ADAM23: variants seen among roughly 807,000 people sequenced by gnomAD.
The protein encoded by ADAM23 is disintegrin and metalloproteinase domain-containing protein 23.
ADAM23 carries 33 observed loss-of-function variants against 120.1 expected under a neutral mutation model. The ratio of observed to expected loss-of-function variants is 0.27; its 90% CI spans 0.21 to 0.37. ADAM23 has a LOEUF of 0.37. Among genes scored for constraint, ADAM23 ranks in the 10% least tolerant of loss-of-function variants. The pLI is 1.00. For missense variants in ADAM23, 862 were observed against 1,058.2 expected, an observed-to-expected ratio of 0.81 and a Z score of 2.57; for synonymous variants, 367 against 375.2, an observed-to-expected ratio of 0.98 and a Z score of 0.25.
chr2:206,487,398 A>T (rs1696037096), intron 3 of ADAM23, among the ~76,000 whole-genome samples: 1 of 152,130 alleles, frequency 6.6e-6, no homozygotes, highest in African/African-American at 2.4e-5. Context: ...AGAAAAAAAA[A>T]TGGAGACAAT....
intron 3 of ADAM23, among the ~76,000 whole-genome samples, chr2:206,524,668 G>A (rs976787019): frequency 6.6e-6 from 1 of 152,196 alleles, no homozygotes; most frequent in African/African-American, 2.4e-5. Context: ...AGTGAAAGGG[G>A]TTTCCCCTTA....
intron 23 of ADAM23, among the ~76,000 whole-genome samples, chr2:206,595,160 A>G (rs1698500802): frequency 6.6e-6 from 1 of 152,156 alleles, no homozygotes; most frequent in Non-Finnish European, 1.5e-5. Flanking sequence ...CAGCCTGGCG[A>G]CAGAGCGAGA....
At chr2:206,605,279 A>G (rs944321964) in intron 24 of ADAM23, among the ~76,000 whole-genome samples, 6 of 152,220 alleles carry the variant, frequency 3.9e-5, no homozygotes, top group Non-Finnish European at 7.3e-5. Flanking sequence ...TACGCTTTTC[A>G]ATAACTTCCC....
At chr2:206,585,197 G>C (rs1052714642) in intron 18 of ADAM23, among the ~76,000 whole-genome samples, 4 of 152,168 alleles carry the variant, frequency 2.6e-5, no homozygotes, top group African/African-American at 7.2e-5. Context: ...ATGCTGCCCT[G>C]TCCGGAGCTG....
At chr2:206,552,649 TTAG>T (rs1486316715) in intron 9 of ADAM23, among the ~76,000 whole-genome samples, 2 of 152,000 alleles carry the variant, frequency 1.3e-5, no homozygotes, top group Non-Finnish European at 2.9e-5. Flanking sequence ...ATTATTGTTG[TTAG>T]TATTATTATT....
intron 24 of ADAM23, among the ~76,000 whole-genome samples, chr2:206,601,867 A>G (rs1186221595): frequency 2.0e-5 from 3 of 152,118 alleles, no homozygotes; most frequent in Non-Finnish European, 2.9e-5. Context: ...GGTAGTAATC[A>G]AGCTTATTAA....
chr2:206,606,846 G>C (rs1303859376), intron 24 of ADAM23: 1 of 151,992 alleles, frequency 6.6e-6, no homozygotes, highest in Non-Finnish European at 1.5e-5. Flanking sequence ...TCTGTCTACT[G>C]TGGTGGTGGT....
intron 3 of ADAM23, among the ~76,000 whole-genome samples, chr2:206,501,507 T>C (rs550140712): frequency 1.3e-5 from 2 of 152,262 alleles, no homozygotes; most frequent in East Asian, 3.9e-4. Flanking sequence ...ACAGCCAAAG[T>C]TCTGTTCGTA....
intron 21 of ADAM23, among the ~76,000 whole-genome samples, chr2:206,590,298 A>G (rs1048627737): frequency 5.3e-5 from 8 of 152,094 alleles, no homozygotes; most frequent in Non-Finnish European, 8.8e-5. Flanking sequence ...GGGTTTCACC[A>G]TGTTGGCCAG....
intron 9 of ADAM23, among the ~76,000 whole-genome samples, chr2:206,553,271 A>C (rs1426011678): frequency 6.6e-6 from 1 of 151,788 alleles, no homozygotes; most frequent in Non-Finnish European, 1.5e-5. Flanking sequence ...ATACATATAC[A>C]AAAAAAATTA....
intron 1 of ADAM23, 102 bp from the exon 2 acceptor site, chr2:206,445,205 A>T: frequency 3.6e-6 from 3 of 829,608 alleles, no homozygotes; most frequent in African/African-American, 1.7e-5. Context: ...GTTTGAAATT[A>T]AAGGAAAAAT....
intron 25 of ADAM23, 109 bp from the exon 26 acceptor site, chr2:206,617,470 T>G: frequency 2.4e-6 from 3 of 1,260,922 alleles, no homozygotes; most frequent in Non-Finnish European, 3.2e-6. Context: ...ATTACTTTGC[T>G]CTGGAACTAG....
chr2:206,547,690 C>T (rs1386217783), intron 7 of ADAM23, among the ~76,000 whole-genome samples, 189 bp downstream of exon 7: 1 of 152,126 alleles, frequency 6.6e-6, no homozygotes, highest in Non-Finnish European at 1.5e-5. Flanking sequence ...CCAGTGCAGA[C>T]TAAAACATGA....
intron 10 of ADAM23, among the ~76,000 whole-genome samples, chr2:206,558,075 T>G (rs1301971024): frequency 6.6e-6 from 1 of 152,190 alleles, no homozygotes; most frequent in Non-Finnish European, 1.5e-5. Context: ...GACTTCTAAC[T>G]GTACAAATCT....
chr2:206,489,690 C>T (rs138913530), intron 3 of ADAM23, among the ~76,000 whole-genome samples: 10 of 152,208 alleles, frequency 6.6e-5, no homozygotes, highest in Admixed American at 1.3e-4. Context: ...GAGTAACATG[C>T]GGGCTGGCGA....
intron 14 of ADAM23, among the ~76,000 whole-genome samples, chr2:206,566,529 A>T (rs1697886342): frequency 6.6e-6 from 1 of 152,224 alleles, no homozygotes; most frequent in African/African-American, 2.4e-5. Context: ...TAGAGATATT[A>T]TATTTGATTA....
At chr2:206,454,674 G>A (rs916497270) in intron 2 of ADAM23, among the ~76,000 whole-genome samples, 3 of 152,220 alleles carry the variant, frequency 2.0e-5, no homozygotes, top group African/African-American at 7.2e-5. Flanking sequence ...AAGATACAGT[G>A]AGGGTAGAGG....
intron 19 of ADAM23, 83 bp from the exon 20 acceptor site, chr2:206,588,008 G>A: frequency 7.0e-7 from 1 of 1,432,856 alleles, no homozygotes; most frequent in Non-Finnish European, 9.8e-7. Flanking sequence ...TTATCCAAGT[G>A]AACCAGAAGG....
intron 4 of ADAM23, among the ~76,000 whole-genome samples, chr2:206,531,261 A>T (rs114855708): frequency 0.011 from 1,641 of 152,316 alleles, 21 homozygotes; most frequent in Non-Finnish European, 0.016. Flanking sequence ...TGGCCATCGA[A>T]TCTGGATTAG....
Sources: allele counts gnomAD v4.1 joint callset (sites outside exome capture counted in the v4.1 genomes callset), GRCh38; gene constraint gnomAD v4.1.1; transcripts MANE v1.5; gene names NCBI Gene and HGNC (gene_info 2026-07-23, HGNC 2026-07-21).